ARHGEF16: variants seen among roughly 807,000 people sequenced by gnomAD.
ARHGEF16 encodes Rho guanine nucleotide exchange factor 16.
Under a neutral mutation model 74.1 loss-of-function variants are expected in ARHGEF16, and 59 were observed. That is an observed-to-expected ratio of 0.80 (90% confidence interval 0.65 to 0.99). ARHGEF16 has a LOEUF of 0.99. Among genes scored for constraint, ARHGEF16 ranks in the 50% least tolerant of loss-of-function variants. ARHGEF16 has a pLI of 0.00. For synonymous variants in ARHGEF16, 415 were observed against 412.6 expected (o/e 1.01, Z -0.07); for missense variants, 948 against 986.6 (o/e 0.96, Z 0.52).
At position 3,463,387 on chromosome 1, in the gene ARHGEF16, C is replaced by T. The variant is rs1557687787; in HGVS notation, c.303C>T (p.Thr101=). ...TGGCTGTGGCCAGCAAGGCAAAGAC[C>T]CCAGCCCGCCACCAGAGCTTCGGGG... is the stretch of plus-strand genomic sequence containing the variant. The part of the protein sequence containing the change: ...KSLAVASKAK[T]PARHQSFGAA... The change falls in exon 2 of 15, where the codon ACC becomes ACT. Residue 101 remains threonine, a synonymous_variant. Transcript: ENST00000378378. The T allele has an allele frequency of 6.5e-7, 1 of 1,550,220 alleles. No homozygotes were observed. The highest frequency in any genetic ancestry group is 2.0e-5 in the Admixed American group (1 of 51,002).
In ARHGEF16 at chr1:3,480,966, G is replaced by A; in HGVS notation, c.*379G>A. ...GGGGCAATGCGAGGTCTCCTCCTATGCCCTTCCTACCCCTGAGTGGGACAA... is the reference window on the plus strand; with the variant it reads ...GGGGCAATGCGAGGTCTCCTCCTATACCCTTCCTACCCCTGAGTGGGACAA... On this transcript the variant is annotated 3_prime_UTR_variant, in exon 15 of 15. Coordinates refer to ENST00000378378, the MANE Select transcript of ARHGEF16 (RefSeq NM_014448.4). 4.4e-6 allele frequency: 1 copy of A among 229,696 alleles called. No individual in the cohort carries two copies. 14.2% of individuals were successfully genotyped at this position (229,696 alleles called of 1,614,324 possible).
chr1:3,471,025 G>T (rs1239532380), intron 6 of ARHGEF16, among the ~76,000 whole-genome samples: 7 of 141,042 alleles, frequency 5.0e-5, no homozygotes, highest in African/African-American at 1.9e-4. Context: ...CCTGGCCAGG[G>T]GTGTGTGTGC....
chr1:3,473,573 C>A, intron 8 of ARHGEF16, 51 bp downstream of exon 8: 1 of 1,599,312 alleles, frequency 6.3e-7, no homozygotes, highest in Non-Finnish European at 8.5e-7. Flanking sequence ...TGGGGTCCCA[C>A]GGCCAGAGCC....
chr1:3,468,685 G>C, intron 4 of ARHGEF16, 195 bp from the exon 5 acceptor site: 3 of 631,952 alleles, frequency 4.7e-6, no homozygotes, highest in Non-Finnish European at 8.5e-6. Context: ...CTGACCCAAG[G>C]CGGGTTACAC....
At chr1:3,462,999 G>T in intron 1 of ARHGEF16, 67 bp from the exon 2 acceptor site, 2 of 1,163,086 alleles carry the variant, frequency 1.7e-6, no homozygotes, top group South Asian at 1.7e-5. Flanking sequence ...AAAGGGGTAG[G>T]GGGGTGGACA....
chr1:3,457,674 A>G (rs1372305992), intron 1 of ARHGEF16, among the ~76,000 whole-genome samples: 1 of 152,234 alleles, frequency 6.6e-6, no homozygotes, highest in Non-Finnish European at 1.5e-5. Flanking sequence ...AGGAACGGAC[A>G]GGCTGGGCAG....
chr1:3,469,680 C>T (rs576330687), intron 6 of ARHGEF16, 87 bp downstream of exon 6: 437 of 1,532,608 alleles, frequency 2.9e-4, no homozygotes, highest in Admixed American at 4.2e-4. Flanking sequence ...TCAGCAGGCC[C>T]CTGGGAGCCT....
rs746074957 is a variant in ARHGEF16, at chr1:3,473,443, C to T, written c.1226C>T (p.Pro409Leu). The change falls in exon 8 of 15, where the codon CCG (proline) becomes CTG (leucine). Residue 409 changes from proline (P) to leucine (L), a missense_variant. By Grantham distance (98) the Pro-to-Leu change is moderately conservative (BLOSUM62 -3). Coordinates refer to ENST00000378378, the MANE Select transcript of ARHGEF16 (RefSeq NM_014448.4). ...REALREIERR[P>L]ACGGLPMLSF... ...GCCCTGAGAGAGATTGAGAGGCGGC[C>T]GGCGTGCGGGGGCCTGCCCATGCTC... The T allele has an allele frequency of 1.1e-5, 18 of 1,612,548 alleles. No individual in the cohort carries two copies. Among genetic ancestry groups the T allele is most frequent in the South Asian group, 8.8e-5 (8 of 91,052 alleles).
chr1:3,466,887 A>T (rs1639561715), intron 3 of ARHGEF16: 1 of 358,998 alleles, frequency 2.8e-6, no homozygotes, highest in African/African-American at 2.1e-5. Context: ...TGTCCCCAGG[A>T]GGCAGCAGCG....
chr1:3,467,921 G>A (rs1639593308), intron 4 of ARHGEF16, among the ~76,000 whole-genome samples: 1 of 152,098 alleles, frequency 6.6e-6, no homozygotes, highest in African/African-American at 2.4e-5. Context: ...CAGCGGGGAG[G>A]GCGGGCCCCC....
chr1:3,469,428 C>T lies in ARHGEF16; in HGVS notation c.862-5C>T. The T allele has an allele frequency of 6.2e-7, 1 of 1,612,788 alleles. No homozygotes were observed. Among genetic ancestry groups the T allele is most frequent in the Non-Finnish European group, 8.5e-7 (1 of 1,179,906 alleles). On this transcript the variant is annotated splice_polypyrimidine_tract_variant and splice_region_variant and intron_variant, in intron 5 of 14. Transcript: ENST00000378378. ...TGTGGGGCTCACCTAGGCCCCTCTCCACAGGCCATGTTCGAGATCCTCACG... is the reference window on the plus strand; with the variant it reads ...TGTGGGGCTCACCTAGGCCCCTCTCTACAGGCCATGTTCGAGATCCTCACG...
At chr1:3,473,006 A>T (rs1342376910) in intron 6 of ARHGEF16, 72 bp from the exon 7 acceptor site, 2 of 1,522,230 alleles carry the variant, frequency 1.3e-6, no homozygotes. Context: ...ATGCAGATGC[A>T]TGTCTGTGTG....
At chr1:3,479,697 G>A in intron 13 of ARHGEF16, 107 bp downstream of exon 13, 3 of 1,557,474 alleles carry the variant, frequency 1.9e-6, no homozygotes, top group Non-Finnish European at 2.6e-6. Context: ...CTGGGGCCTG[G>A]CAGTCGGGGG....
chr1:3,461,561 C>A (rs1213262912), intron 1 of ARHGEF16, among the ~76,000 whole-genome samples: 2 of 152,218 alleles, frequency 1.3e-5, no homozygotes, highest in African/African-American at 4.8e-5. Context: ...CCCTCGGAAT[C>A]CATTGCTCAG....
intron 6 of ARHGEF16, among the ~76,000 whole-genome samples, chr1:3,470,607 G>A (rs1639684142): frequency 6.6e-6 from 1 of 150,658 alleles, no homozygotes; most frequent in African/African-American, 2.5e-5. Flanking sequence ...TCAGGTGTGT[G>A]TGAGTGGGTG....
intron 1 of ARHGEF16, among the ~76,000 whole-genome samples, chr1:3,461,225 C>T (rs953369803): frequency 6.6e-6 from 1 of 152,218 alleles, no homozygotes; most frequent in African/African-American, 2.4e-5. Context: ...TTCTCCATGT[C>T]GTTACCTTTT....
chr1:3,461,495 C>T (rs1204612141), intron 1 of ARHGEF16, among the ~76,000 whole-genome samples: 3 of 152,182 alleles, frequency 2.0e-5, no homozygotes, highest in East Asian at 1.9e-4. Flanking sequence ...CTCCCTGACA[C>T]GTGTGGGGAG....
chr1:3,462,595 G>C (rs916582863), intron 1 of ARHGEF16, among the ~76,000 whole-genome samples: 8 of 152,224 alleles, frequency 5.3e-5, no homozygotes, highest in Non-Finnish European at 1.2e-4. Flanking sequence ...TTCACCACGA[G>C]GAAGTGGTTC....
chr1:3,473,657 A>G, intron 8 of ARHGEF16, 135 bp downstream of exon 8: 1 of 1,413,546 alleles, frequency 7.1e-7, no homozygotes, highest in African/African-American at 1.4e-5. Flanking sequence ...AATAGTTACG[A>G]TCCTAAGATG....
Sources: allele counts gnomAD v4.1 joint callset (sites outside exome capture counted in the v4.1 genomes callset), GRCh38; gene constraint gnomAD v4.1.1; transcripts MANE v1.5; gene names NCBI Gene and HGNC (gene_info 2026-07-23, HGNC 2026-07-21).